NEGR1: variants seen among roughly 807,000 people sequenced by gnomAD.
NEGR1 encodes IgLON family member 4.
In NEGR1, 10 loss-of-function variants were observed where a neutral mutation model predicts 40.9. The ratio of observed to expected loss-of-function variants is 0.24; its 90% confidence interval spans 0.15 to 0.42. The LOEUF (loss-of-function observed/expected upper bound fraction) is 0.42. NEGR1 is among the 10% of genes least tolerant of loss of function. The pLI, the probability that NEGR1 is intolerant of heterozygous loss-of-function variation, is 1.00. For synonymous variants in NEGR1, 185 were observed against 166.8 expected (o/e 1.11, Z -0.84); for missense variants, 352 against 438.9 (o/e 0.80, Z 1.77).
chr1:72,163,885 G>A (rs187909907), intron 1 of NEGR1, among the ~76,000 whole-genome samples: 1 of 151,720 alleles, frequency 6.6e-6, no homozygotes. Flanking sequence ...AAATAAGAAT[G>A]GTATCAAAGA....
intron 6 of NEGR1, among the ~76,000 whole-genome samples, chr1:71,463,959 A>G (rs1481573000): frequency 6.6e-6 from 1 of 152,180 alleles, no homozygotes; most frequent in Non-Finnish European, 1.5e-5. Context: ...AGGAATCCAG[A>G]GACAAATTGA....
intron 2 of NEGR1, among the ~76,000 whole-genome samples, chr1:71,796,094 C>T (rs567108403): frequency 9.9e-5 from 15 of 152,250 alleles, no homozygotes; most frequent in African/African-American, 2.4e-4. Flanking sequence ...TAACATAGTT[C>T]TATATTCTAA....
intron 2 of NEGR1, among the ~76,000 whole-genome samples, chr1:71,787,089 C>T (rs775742046): frequency 5.9e-5 from 9 of 152,180 alleles, no homozygotes; most frequent in Non-Finnish European, 1.3e-4. Context: ...CCTAAGTCAT[C>T]CCAGTGAGGC....
intron 1 of NEGR1, among the ~76,000 whole-genome samples, chr1:72,108,623 C>A (rs1011102874): frequency 6.6e-6 from 1 of 151,432 alleles, no homozygotes; most frequent in Non-Finnish European, 1.5e-5. Flanking sequence ...AGAGAAGTTG[C>A]TTTACAGAAT....
chr1:72,220,254 TTCTC>T (rs534011511), intron 1 of NEGR1, among the ~76,000 whole-genome samples: 1 of 150,928 alleles, frequency 6.6e-6, no homozygotes, highest in Admixed American at 6.6e-5. Flanking sequence ...TTAAATAAAA[TTCTC>T]TCTCTCTCTC....
chr1:72,049,767 T>A (rs1209523114), intron 1 of NEGR1, among the ~76,000 whole-genome samples: 1 of 151,568 alleles, frequency 6.6e-6, no homozygotes, highest in African/African-American at 2.4e-5. Flanking sequence ...GTATCCCAAT[T>A]TTTGGCATAC....
chr1:72,258,024 A>C (rs545715627), intron 1 of NEGR1, among the ~76,000 whole-genome samples: 44 of 152,278 alleles, frequency 2.9e-4, no homozygotes, highest in African/African-American at 9.9e-4. Flanking sequence ...TCTATTGCCA[A>C]AAGGATCACA....
intron 5 of NEGR1, among the ~76,000 whole-genome samples, chr1:71,604,083 G>C (rs766197894): frequency 5.9e-5 from 9 of 152,056 alleles, no homozygotes; most frequent in Non-Finnish European, 1.0e-4. Flanking sequence ...CACTGAAAGA[G>C]AGCCAGTTTC....
intron 1 of NEGR1, among the ~76,000 whole-genome samples, chr1:72,079,072 G>A (rs1038928429): frequency 8.3e-6 from 1 of 119,978 alleles, no homozygotes; most frequent in Non-Finnish European, 1.7e-5. Flanking sequence ...TATGTCAATG[G>A]TTACATTTAA....
intron 2 of NEGR1, among the ~76,000 whole-genome samples, chr1:71,809,095 CG>C (rs201398611): frequency 3.9e-5 from 6 of 152,056 alleles, no homozygotes; most frequent in Non-Finnish European, 5.9e-5. Context: ...AAAAGCAGCA[CG>C]GGGGGGCACT....
At chr1:71,474,956 A>T (rs1235791227) in intron 6 of NEGR1, among the ~76,000 whole-genome samples, 1 of 152,096 alleles carries the variant, frequency 6.6e-6, no homozygotes, top group Non-Finnish European at 1.5e-5. Flanking sequence ...GAATTCAACA[A>T]GGGTCAGGTA....
At chr1:71,799,046 G>GTT (rs202070801) in intron 2 of NEGR1, among the ~76,000 whole-genome samples, 26 of 143,914 alleles carry the variant, frequency 1.8e-4, no homozygotes, top group East Asian at 1.2e-3. Context: ...ATTGAATGGT[G>GTT]TTTTTTTTTT....
chr1:71,610,521 T>C (rs1650217629), intron 5 of NEGR1, among the ~76,000 whole-genome samples: 1 of 152,202 alleles, frequency 6.6e-6, no homozygotes, highest in East Asian at 1.9e-4. Context: ...TTTAGGCATG[T>C]ATTTTATCTC....
At chr1:72,004,923 T>A (rs1418783091) in intron 1 of NEGR1, among the ~76,000 whole-genome samples, 2 of 152,144 alleles carry the variant, frequency 1.3e-5, no homozygotes, top group African/African-American at 4.8e-5. Context: ...TAAAGTTATC[T>A]ATTGAGCACC....
intron 2 of NEGR1, among the ~76,000 whole-genome samples, chr1:71,798,724 A>C (rs1657431889): frequency 6.6e-6 from 1 of 152,200 alleles, no homozygotes; most frequent in South Asian, 2.1e-4. Context: ...ATGCAGGCAG[A>C]AAACAAAAAC....
intron 2 of NEGR1, among the ~76,000 whole-genome samples, chr1:71,876,147 C>T (rs1196251880): frequency 2.0e-5 from 3 of 152,094 alleles, no homozygotes; most frequent in African/African-American, 7.2e-5. Context: ...CATATTAACT[C>T]TAAAAAACAC....
chr1:71,675,763 TTTTTTGG>T (rs1453300759), intron 4 of NEGR1, among the ~76,000 whole-genome samples: 26 of 148,774 alleles, frequency 1.7e-4, no homozygotes. Flanking sequence ...GTCTCTCTAG[TTTTTTGG>T]TTTTTGTTGT....
intron 6 of NEGR1, among the ~76,000 whole-genome samples, chr1:71,455,411 G>A (rs1016151348): frequency 7.2e-5 from 11 of 152,158 alleles, no homozygotes; most frequent in African/African-American, 2.7e-4. Context: ...TAAGCTTTAA[G>A]CAAAGGTGGC....
intron 6 of NEGR1, among the ~76,000 whole-genome samples, chr1:71,493,701 T>C (rs114723644): frequency 0.014 from 2,149 of 152,286 alleles, 58 homozygotes; most frequent in African/African-American, 0.05. Flanking sequence ...TACTTCACAA[T>C]TTCCTTACAC....
Sources: gnomAD v4.1 joint callset for allele counts (sites outside exome capture counted in the v4.1 genomes callset) on GRCh38, gnomAD v4.1.1 for gene constraint, MANE v1.5 for transcripts, NCBI Gene and HGNC (gene_info 2026-07-23, HGNC 2026-07-21) for gene names.